The following DRD3 variants were observed in gnomAD, a reference collection of about 807,000 sequenced individuals.
DRD3 encodes the protein dopamine receptor D3, also known as D(3) dopamine receptor.
In DRD3, 19 loss-of-function variants were observed where a neutral mutation model predicts 36.3. The observed-to-expected ratio is 0.52, with a 90% confidence interval of 0.36 to 0.77. The LOEUF is 0.77. Ranked by LOEUF, DRD3 falls within the 30% of genes least tolerant of loss-of-function variation. The pLI is 0.00. For synonymous variants in DRD3, 195 were observed against 203.7 expected, an observed-to-expected ratio of 0.96 and a Z score of 0.36; for missense variants, 465 against 505.3, an observed-to-expected ratio of 0.92 and a Z score of 0.77.
intron 3 of DRD3, among the ~76,000 whole-genome samples, chr3:114,147,999 A>C (rs1384419685): frequency 2.6e-5 from 4 of 152,358 alleles, no homozygotes; most frequent in Admixed American, 2.6e-4. Context: ...AGGTTGATAC[A>C]TATAGCATGA....
intron 4 of DRD3, among the ~76,000 whole-genome samples, chr3:114,147,001 A>G (rs2077575081): frequency 6.6e-6 from 1 of 152,178 alleles, no homozygotes; most frequent in African/African-American, 2.4e-5. Flanking sequence ...AGTTAGAAGT[A>G]TATATCCTAC....
intron 2 of DRD3, among the ~76,000 whole-genome samples, chr3:114,160,980 CTATT>C (rs1335111926): frequency 6.6e-6 from 1 of 152,160 alleles, no homozygotes; most frequent in Non-Finnish European, 1.5e-5. Flanking sequence ...TAGTATATTT[CTATT>C]TATTTTTGAA....
intron 6 of DRD3, among the ~76,000 whole-genome samples, chr3:114,130,343 A>G (rs1200342241): frequency 6.6e-6 from 1 of 151,696 alleles, no homozygotes; most frequent in East Asian, 1.9e-4. Context: ...AGGAATAAGC[A>G]CCCACCACTC....
intron 4 of DRD3, among the ~76,000 whole-genome samples, chr3:114,142,666 T>C (rs542880969): frequency 3.3e-4 from 50 of 152,154 alleles, no homozygotes; most frequent in Non-Finnish European, 6.5e-4. Context: ...GACCTACATA[T>C]AAGTATGTAT....
In DRD3 at chr3:114,159,797, C is replaced by T; in HGVS notation, c.341G>A (p.Cys114Tyr). ...DVFVTLDVMM[C>Y]TASILNLCAI... ...ACAGAGATTAAGGATGCTGGCTGTA[C>T]ACATCATGACATCCAGGGTGACAAA... is the stretch of plus-strand genomic sequence containing the variant. The change falls in exon 3 of 7, where the codon TGT becomes TAT. Residue 114 changes from cysteine (C) to tyrosine (Y), a missense_variant. Transcript: ENST00000383673. 1.2e-6 allele frequency: 2 copies of T among 1,614,096 alleles called. No individual in the cohort carries two copies. The highest frequency in any genetic ancestry group is 8.5e-7 in the Non-Finnish European group (1 of 1,179,986).
chr3:114,162,588 A>G (rs2077744284), intron 2 of DRD3, among the ~76,000 whole-genome samples: 1 of 152,246 alleles, frequency 6.6e-6, no homozygotes, highest in African/African-American at 2.4e-5. Context: ...AGCACTTTAC[A>G]TACGTGGCCT....
intron 1 of DRD3, among the ~76,000 whole-genome samples, chr3:114,185,883 C>A (rs1243734369): frequency 2.6e-5 from 4 of 152,050 alleles, no homozygotes; most frequent in Admixed American, 6.5e-5. Context: ...CACAATGTTG[C>A]CCAGGCTGGT....
intron 3 of DRD3, among the ~76,000 whole-genome samples, chr3:114,156,760 TTTCTTTCTTTCTTTC>T: frequency 9.0e-6 from 1 of 110,732 alleles, no homozygotes; most frequent in African/African-American, 3.4e-5. Context: ...TCTTTCTTTC[TTTCTTTCTTTCTTTC>T]TTTCTTTCTT....
At chr3:114,176,349 G>T (rs959490639) in intron 1 of DRD3, among the ~76,000 whole-genome samples, 3 of 152,116 alleles carry the variant, frequency 2.0e-5, no homozygotes, top group African/African-American at 7.2e-5. Flanking sequence ...TGTAATCCCA[G>T]CACTTTGGGA....
chr3:114,148,262 G>A (rs116013630), intron 3 of DRD3, among the ~76,000 whole-genome samples: 8 of 152,122 alleles, frequency 5.3e-5, no homozygotes, highest in East Asian at 3.9e-4. Context: ...TGCCTTTACC[G>A]TCTCCTGCAG....
chr3:114,150,515 C>T (rs1425640704), intron 3 of DRD3, among the ~76,000 whole-genome samples: 1 of 152,200 alleles, frequency 6.6e-6, no homozygotes. Flanking sequence ...TTCCATAGGT[C>T]CTTGTACAAA....
At position 114,171,729 on chromosome 3, in the gene DRD3, G is replaced by T; in HGVS notation, c.264C>A (p.Tyr88Ter). 6.2e-7 allele frequency: 1 copy of T among 1,601,350 alleles called. No individual in the cohort carries two copies. Among genetic ancestry groups the T allele is most frequent in the Non-Finnish European group, 8.5e-7 (1 of 1,173,424 alleles). ...VATLVMPWVV[Y>*]LEVTGGVWNF... is the part of the protein sequence containing the mutation. ...GCACCTGAAGTCTACTCACCTCCAGGTATACCACCCAGGGCATCACCAAGG... is the reference window on the plus strand; with the variant it reads ...GCACCTGAAGTCTACTCACCTCCAGTTATACCACCCAGGGCATCACCAAGG... The change falls in exon 2 of 7, where the codon TAC becomes TAA. Residue 88 changes from tyrosine to a stop codon, truncating the protein, a stop_gained. Transcript: ENST00000383673. LOFTEE classifies it high-confidence loss of function.
At chr3:114,189,750 C>A (rs1241591745) in intron 1 of DRD3, among the ~76,000 whole-genome samples, 2 of 152,168 alleles carry the variant, frequency 1.3e-5, no homozygotes, top group Non-Finnish European at 2.9e-5. Flanking sequence ...TTTCTAGTAC[C>A]TGTCTTGCCC....
intron 3 of DRD3, among the ~76,000 whole-genome samples, chr3:114,152,693 G>A (rs2077628970): frequency 6.6e-6 from 1 of 152,200 alleles, no homozygotes; most frequent in Non-Finnish European, 1.5e-5. Context: ...GGCTCTGTGG[G>A]GAGGCAGAGA....
intron 2 of DRD3, among the ~76,000 whole-genome samples, chr3:114,170,301 G>A (rs1471693520): frequency 2.0e-5 from 3 of 152,144 alleles, no homozygotes; most frequent in Non-Finnish European, 4.4e-5. Context: ...TTACAGAGAA[G>A]ATTCATTTCA....
At chr3:114,141,424 G>T (rs1481111773) in intron 4 of DRD3, among the ~76,000 whole-genome samples, 1 of 152,162 alleles carries the variant, frequency 6.6e-6, no homozygotes, top group East Asian at 1.9e-4. Context: ...GAGAATTAAT[G>T]AGAATAAATG....
chr3:114,197,063 T>C (rs111538459), intron 1 of DRD3, among the ~76,000 whole-genome samples: 8,388 of 150,848 alleles, frequency 0.056, 268 homozygotes, highest in Middle Eastern at 0.078. Flanking sequence ...ATACATGTGC[T>C]ATGCTGGTGC....
intron 1 of DRD3, among the ~76,000 whole-genome samples, chr3:114,172,737 A>G (rs560705640): frequency 6.6e-6 from 1 of 152,334 alleles, no homozygotes; most frequent in South Asian, 2.1e-4. Context: ...AAATGTGGGA[A>G]TAATGAAACC....
Position 114,136,160 on chromosome 3 carries a change from G to A in DRD3, c.723+3340C>T, listed in dbSNP as rs145076525. ...GCCCAAGAGTTCAAGGCTGCCATGA[G>A]CTGTGATCACACCACTGCACTCCAG... is the stretch of plus-strand genomic sequence containing the variant. On this transcript the variant is annotated intron_variant, in intron 5 of 6. Coordinates refer to ENST00000383673, the MANE Select transcript of DRD3 (RefSeq NM_000796.6). Among the ~76,000 whole-genome samples the A allele has an allele frequency of 4.2e-3, 635 of 152,122 alleles. 6 individuals carry two copies. Among genetic ancestry groups the A allele is most frequent in the African/African-American group, 0.014 (588 of 41,492 alleles).
Sources: allele counts gnomAD v4.1 joint callset (sites outside exome capture counted in the v4.1 genomes callset), GRCh38; gene constraint gnomAD v4.1.1; transcripts MANE v1.5; gene names NCBI Gene and HGNC (gene_info 2026-07-23, HGNC 2026-07-21).